TIPARP: variants seen among roughly 807,000 people sequenced by gnomAD.
TIPARP encodes protein mono-ADP-ribosyltransferase TIPARP.
A neutral mutation model predicts 56.5 loss-of-function variants in TIPARP; 12 were observed. The observed-to-expected ratio is 0.21, with a 90% CI of 0.14 to 0.34. The LOEUF (loss-of-function observed/expected upper bound fraction) is 0.34, where lower values mean the gene tolerates loss of function less well. TIPARP is among the 10% of genes least tolerant of loss of function. The pLI is 1.00. For missense variants in TIPARP, 604 were observed against 781.6 expected, an observed-to-expected ratio of 0.77 and a Z score of 2.71; for synonymous variants, 296 against 265.7, an observed-to-expected ratio of 1.11 and a Z score of -1.11.
At chr3:156,702,019 C>CGGTGGTGGT (rs67188281) in intron 4 of TIPARP, among the ~76,000 whole-genome samples, 179 of 98,660 alleles carry the variant, frequency 1.8e-3, no homozygotes, top group South Asian at 0.013. Context: ...GATGATAATG[C>CGGTGGTGGT]GGTGGTGGTG....
chr3:156,693,985 GT>G (rs1722645904), intron 2 of TIPARP, 34 bp from the exon 3 acceptor site: 1 of 1,558,874 alleles, frequency 6.4e-7, no homozygotes, highest in Non-Finnish European at 8.6e-7. Context: ...TTATTAACAG[GT>G]TTTTGGGTTT....
Position 156,705,904 on chromosome 3 carries a change from A to G in TIPARP, c.*773A>G, listed in dbSNP as rs1722968708. On this transcript the variant is annotated 3_prime_UTR_variant, in exon 6 of 6. Transcript: ENST00000295924. Reference sequence around the variant, plus strand: ...ATTATCATCCATTCCAATTTGAAGGAGTTGGGCAGCTAATTTGGTTAAAGG... The same window carrying G: ...ATTATCATCCATTCCAATTTGAAGGGGTTGGGCAGCTAATTTGGTTAAAGG... 1 of 152,624 alleles carries G rather than the reference A, an allele frequency of 6.6e-6. No individual in the cohort carries two copies. Among genetic ancestry groups the G allele is most frequent in the South Asian group, 2.1e-4 (1 of 4,826 alleles). The allele number at this position is 152,624 out of a possible 1,614,324, so 9.5% of individuals were successfully genotyped here.
At chr3:156,690,907 A>T (rs1332157633) in intron 2 of TIPARP, among the ~76,000 whole-genome samples, 1 of 152,122 alleles carries the variant, frequency 6.6e-6, no homozygotes, top group Non-Finnish European at 1.5e-5. Context: ...AGTTTCCAAC[A>T]TCCTGTATTT....
At chr3:156,680,054 A>C (rs1722255260) in intron 2 of TIPARP, among the ~76,000 whole-genome samples, 1 of 152,202 alleles carries the variant, frequency 6.6e-6, no homozygotes, top group African/African-American at 2.4e-5. Flanking sequence ...TTAGCAACTT[A>C]ATTATCATGA....
intron 4 of TIPARP, among the ~76,000 whole-genome samples, chr3:156,696,740 T>G (rs1722722702): frequency 6.6e-6 from 1 of 152,168 alleles, no homozygotes; most frequent in South Asian, 2.1e-4. Context: ...CCTTTGAAAA[T>G]TAGTATCTCT....
At chr3:156,677,104 T>C (rs898883767) in intron 1 of TIPARP, among the ~76,000 whole-genome samples, 5 of 152,240 alleles carry the variant, frequency 3.3e-5, no homozygotes, top group Admixed American at 2.6e-4. Flanking sequence ...CTTTCTCCCA[T>C]AGAACATTTC....
chr3:156,677,579 A>G (rs1722172662), intron 1 of TIPARP, 78 bp from the exon 2 acceptor site: 4 of 1,043,954 alleles, frequency 3.8e-6, no homozygotes, highest in Non-Finnish European at 5.4e-6. Context: ...TCAGGACAAA[A>G]ACAAAACATT....
chr3:156,705,000 A>T lies in TIPARP; in HGVS notation c.1843A>T (p.Thr615Ser), dbSNP rs1411701037. ...CCCGCCAGTCAATCCTGGCAGTGTC[A>T]CCAGTGACCTTTATGACTCTTGTGT... ...RPPPVNPGSV[T>S]SDLYDSCVDN... Residue 615 changes from threonine to serine, a missense_variant, in exon 6 of 6, where the codon ACC (threonine) becomes TCC (serine). Around this residue, in one of 4 missense-constraint regions of TIPARP, gnomAD observed 77 missense variants for 161.0 expected, o/e 0.48. Coordinates refer to ENST00000295924, the MANE Select transcript of TIPARP (RefSeq NM_015508.5). The T allele has an allele frequency of 6.2e-7, 1 of 1,614,224 alleles. No individual in the cohort carries two copies.
intron 2 of TIPARP, 128 bp from the exon 3 acceptor site, chr3:156,693,892 G>A: frequency 9.2e-7 from 1 of 1,085,982 alleles, no homozygotes; most frequent in Non-Finnish European, 1.3e-6. Flanking sequence ...TCCAAGTAAA[G>A]CAAGTTTTGA....
intron 4 of TIPARP, among the ~76,000 whole-genome samples, chr3:156,700,712 C>G (rs1470272661): frequency 6.6e-6 from 1 of 152,170 alleles, no homozygotes; most frequent in Non-Finnish European, 1.5e-5. Flanking sequence ...ATGCCTGGCA[C>G]AGTTTCTTTA....
At chr3:156,691,174 C>T (rs1207227274) in intron 2 of TIPARP, among the ~76,000 whole-genome samples, 1 of 152,142 alleles carries the variant, frequency 6.6e-6, no homozygotes, top group Non-Finnish European at 1.5e-5. Context: ...TTGGAGACCT[C>T]TTTTTCCTTG....
chr3:156,682,337 TTC>T (rs1194468525), intron 2 of TIPARP, among the ~76,000 whole-genome samples: 1 of 152,180 alleles, frequency 6.6e-6, no homozygotes, highest in African/African-American at 2.4e-5. Context: ...CAGGGTTTTT[TTC>T]TTTTGGGATT....
At chr3:156,696,292 A>C (rs529096097) in intron 4 of TIPARP, among the ~76,000 whole-genome samples, 1 of 152,274 alleles carries the variant, frequency 6.6e-6, no homozygotes, top group African/African-American at 2.4e-5. Context: ...GTCTGGAATG[A>C]GTCACAGAAC....
intron 2 of TIPARP, among the ~76,000 whole-genome samples, chr3:156,682,312 A>T (rs1189736327): frequency 6.6e-6 from 1 of 152,144 alleles, no homozygotes; most frequent in African/African-American, 2.4e-5. Context: ...TCCATTATTA[A>T]TTTTTTTCAG....
At chr3:156,677,630 T>C (rs1722174313) in intron 1 of TIPARP, 27 bp from the exon 2 acceptor site, 1 of 1,437,050 alleles carries the variant, frequency 7.0e-7, no homozygotes, top group Non-Finnish European at 9.3e-7. Flanking sequence ...AGTTTGTAAA[T>C]GATCATCTTC....
In TIPARP at chr3:156,697,685, C is replaced by T. The variant is rs955412865; in HGVS notation, c.1247+1660C>T. Among the ~76,000 whole-genome samples the T allele has an allele frequency of 3.9e-5, 6 of 152,164 alleles. No individual in the cohort carries two copies. The South Asian group carries it at 8.3e-4, about 21-fold the overall frequency. ...CATTTTGTGTCTCTGAATCATATTT[C>T]GGGTATTCTTCGGATATTTCAGGTG... is the stretch of plus-strand genomic sequence containing the variant. On this transcript the variant is annotated intron_variant, in intron 4 of 5. Coordinates refer to ENST00000295924, the MANE Select transcript of TIPARP (RefSeq NM_015508.5).
At position 156,705,232 on chromosome 3, in the gene TIPARP, A is replaced by T. The variant is rs1306339525; in HGVS notation, c.*101A>T. 9 of 803,532 alleles carry T rather than the reference A, an allele frequency of 1.1e-5. No individual in the cohort carries two copies. Among genetic ancestry groups the T allele is most frequent in the Non-Finnish European group, 1.7e-5 (9 of 533,304 alleles). 49.8% of individuals were successfully genotyped at this position (803,532 alleles called of 1,614,324 possible). The stretch of plus-strand genomic sequence containing the variant: ...GGGTGGGGAACAGCATTGGACATTA[A>T]TAGGGCACTTTTCAGACCCATTTTT... On this transcript the variant is annotated 3_prime_UTR_variant, in exon 6 of 6. Transcript: ENST00000295924.
intron 2 of TIPARP, among the ~76,000 whole-genome samples, chr3:156,691,287 C>T (rs1486912678): frequency 6.6e-6 from 1 of 152,174 alleles, no homozygotes; most frequent in East Asian, 1.9e-4. Context: ...AGTAAAACCT[C>T]TTAATTTTCC....
rs551327845 is a variant in TIPARP at position 156,678,946 on chromosome 3, T to A, written c.917+332T>A. Among the ~76,000 whole-genome samples the A allele has an allele frequency of 3.9e-5, 6 of 152,354 alleles. No individual in the cohort carries two copies. The East Asian group carries it at 1.2e-3, about 29-fold the overall frequency. Reference sequence around the variant, plus strand: ...TTTTGAAAGAAAGTCTGGCGAATCTTACTATAACATAAATAATGAATCTCC... The same window carrying A: ...TTTTGAAAGAAAGTCTGGCGAATCTAACTATAACATAAATAATGAATCTCC... On this transcript the variant is annotated intron_variant, in intron 2 of 5. Transcript: ENST00000295924.
Sources: gnomAD v4.1 joint callset for allele counts (sites outside exome capture counted in the v4.1 genomes callset) on GRCh38, gnomAD v4.1.1 for gene constraint, gnomAD v4.1.1 regional missense constraint, MANE v1.5 for transcripts, NCBI Gene and HGNC (gene_info 2026-07-23, HGNC 2026-07-21) for gene names.